Variants in SNTG1 observed in about 807,000 individuals in gnomAD.
SNTG1 encodes the protein gamma-1-syntrophin.
Under a neutral mutation model 74.7 loss-of-function variants are expected in SNTG1, and 39 were observed. The observed-to-expected ratio is 0.52, with a 90% CI of 0.40 to 0.68. The LOEUF (loss-of-function observed/expected upper bound fraction) is 0.68, where lower values mean the gene tolerates loss of function less well. Among genes scored for constraint, SNTG1 ranks in the 30% least tolerant of loss-of-function variants. SNTG1 has a pLI of 0.00. For missense variants in SNTG1, 685 were observed against 609.5 expected (o/e 1.12, Z -1.30); for synonymous variants, 254 against 217.1 (o/e 1.17, Z -1.49).
intron 1 of SNTG1, among the ~76,000 whole-genome samples, chr8:50,042,425 G>T (rs1818716387): frequency 6.6e-6 from 1 of 152,152 alleles, no homozygotes; most frequent in African/African-American, 2.4e-5. Context: ...ACTTCCGCGG[G>T]CTGGGAGCTC....
chr8:50,484,152 C>CCTTT, intron 8 of SNTG1, among the ~76,000 whole-genome samples: 1 of 33,464 alleles, frequency 3.0e-5, no homozygotes, highest in African/African-American at 1.2e-4. Context: ...TTCTTTCTTT[C>CCTTT]CTTCCTTCCT....
intron 2 of SNTG1, among the ~76,000 whole-genome samples, chr8:50,277,050 G>A (rs2088155748): frequency 6.6e-6 from 1 of 151,942 alleles, no homozygotes; most frequent in Non-Finnish European, 1.5e-5. Context: ...GGATGGTCTC[G>A]ATCTCCTGAC....
chr8:50,453,562 T>A (rs533129395), intron 8 of SNTG1, among the ~76,000 whole-genome samples: 1 of 152,294 alleles, frequency 6.6e-6, no homozygotes, highest in South Asian at 2.1e-4. Context: ...ACAAACATTG[T>A]AATTTAAGGT....
intron 2 of SNTG1, among the ~76,000 whole-genome samples, chr8:50,255,924 G>GGAC (rs1386192219): frequency 2.6e-5 from 4 of 152,100 alleles, no homozygotes; most frequent in Non-Finnish European, 5.9e-5. Flanking sequence ...TTACCCCGTA[G>GGAC]GACAGGCAAA....
At chr8:50,762,866 T>C in intron 18 of SNTG1, 1 of 319,876 alleles carries the variant, frequency 3.1e-6, no homozygotes, top group East Asian at 8.7e-5. Flanking sequence ...TCACACTCTA[T>C]TGCCTTAGCT....
In SNTG1 at chr8:50,379,078, C is replaced by T. The variant is rs571718964; in HGVS notation, c.-27-15134C>T. Among the ~76,000 whole-genome samples the T allele has an allele frequency of 1.2e-3, 180 of 152,278 alleles. 1 individual carries two copies. Among genetic ancestry groups the T allele is most frequent in the African/African-American group, 3.9e-3 (163 of 41,566 alleles). ...GGCTGTAGGTACCAAGGGGCACCTGCAGGCTAGTGAAGAACTGCCCTCAAC... is the reference window on the plus strand; with the variant it reads ...GGCTGTAGGTACCAAGGGGCACCTGTAGGCTAGTGAAGAACTGCCCTCAAC... On this transcript the variant is annotated intron_variant, in intron 2 of 18. Coordinates refer to ENST00000642720, the MANE Select transcript of SNTG1 (RefSeq NM_018967.5).
intron 2 of SNTG1, among the ~76,000 whole-genome samples, chr8:50,179,921 A>T (rs950234865): frequency 6.6e-6 from 1 of 152,228 alleles, no homozygotes; most frequent in Non-Finnish European, 1.5e-5. Context: ...CAGCTATCCT[A>T]CTGCTGGTTA....
intron 2 of SNTG1, among the ~76,000 whole-genome samples, chr8:50,279,400 A>G (rs964955508): frequency 5.9e-5 from 9 of 152,290 alleles, no homozygotes; most frequent in Admixed American, 5.9e-4. Flanking sequence ...TTTGAATATC[A>G]TCTTGATTAA....
At position 50,110,212 on chromosome 8, in the gene SNTG1, C is replaced by T. The variant is rs572711546; in HGVS notation, c.-102-62349C>T. On this transcript the variant is annotated intron_variant, in intron 1 of 18. Transcript: ENST00000642720. ...AGGTTAACTGCAGAGTGAGGGATTACTGCAAGTCATAAGGGACATTGCTTT... is the reference window on the plus strand; with the variant it reads ...AGGTTAACTGCAGAGTGAGGGATTATTGCAAGTCATAAGGGACATTGCTTT... 7.4e-4 allele frequency among the ~76,000 whole-genome samples: 113 copies of T among 152,302 alleles called. 2 individuals carry two copies. The highest frequency in any genetic ancestry group is 3.4e-3 in the Middle Eastern group (1 of 294).
At chr8:50,353,602 C>T (rs1289249871) in intron 2 of SNTG1, among the ~76,000 whole-genome samples, 1 of 152,066 alleles carries the variant, frequency 6.6e-6, no homozygotes, top group Non-Finnish European at 1.5e-5. Context: ...TTGGGCTTTG[C>T]TCCATACAAT....
At chr8:50,608,451 CGTTCTTTTT>C (rs2094828447) in intron 13 of SNTG1, among the ~76,000 whole-genome samples, 1 of 151,600 alleles carries the variant, frequency 6.6e-6, no homozygotes, top group Non-Finnish European at 1.5e-5. Context: ...CATGAAATGT[CGTTCTTTTT>C]CTGTATAATA....
At chr8:50,620,756 A>G (rs1324110426) in intron 13 of SNTG1, among the ~76,000 whole-genome samples, 2 of 152,200 alleles carry the variant, frequency 1.3e-5, no homozygotes, top group Non-Finnish European at 2.9e-5. Context: ...ATATTAAATA[A>G]AAGTCTCACT....
chr8:49,941,060 G>A (rs1808639586), intron 1 of SNTG1, among the ~76,000 whole-genome samples: 1 of 152,076 alleles, frequency 6.6e-6, no homozygotes, highest in East Asian at 1.9e-4. Context: ...CCCCTTTGTG[G>A]GATGCATCTG....
intron 17 of SNTG1, among the ~76,000 whole-genome samples, chr8:50,720,891 A>G (rs547913809): frequency 1.3e-5 from 2 of 152,310 alleles, no homozygotes; most frequent in South Asian, 4.1e-4. Flanking sequence ...TGTGGTAAAA[A>G]GCTACTTTTA....
intron 17 of SNTG1, among the ~76,000 whole-genome samples, chr8:50,713,346 G>C (rs1487101522): frequency 6.6e-6 from 1 of 152,062 alleles, no homozygotes; most frequent in Non-Finnish European, 1.5e-5. Flanking sequence ...TTTTGATGGG[G>C]TTGTTTGTTT....
intron 2 of SNTG1, among the ~76,000 whole-genome samples, chr8:50,199,032 A>G (rs2083883766): frequency 6.6e-6 from 1 of 152,194 alleles, no homozygotes; most frequent in Non-Finnish European, 1.5e-5. Context: ...GGAAGTCAGG[A>G]GCAAAAGTAA....
intron 1 of SNTG1, among the ~76,000 whole-genome samples, chr8:50,171,963 G>A (rs2082822661): frequency 6.6e-6 from 1 of 152,130 alleles, no homozygotes. Flanking sequence ...TTGAGTTCAT[G>A]AGGGGCCAAG....
chr8:50,387,197 A>T (rs766267409), intron 2 of SNTG1, among the ~76,000 whole-genome samples: 1 of 152,096 alleles, frequency 6.6e-6, no homozygotes, highest in African/African-American at 2.4e-5. Context: ...GGGCCCTGTC[A>T]TCCCAGGATC....
intron 1 of SNTG1, among the ~76,000 whole-genome samples, chr8:49,981,403 T>C (rs577859689): frequency 1.9e-4 from 28 of 148,196 alleles, no homozygotes; most frequent in Admixed American, 6.8e-4. Flanking sequence ...TGGAAGTCAC[T>C]GTTTCCTTTA....
Sources: gnomAD v4.1 joint callset for allele counts (sites outside exome capture counted in the v4.1 genomes callset) on GRCh38, gnomAD v4.1.1 for gene constraint, MANE v1.5 for transcripts, NCBI Gene and HGNC (gene_info 2026-07-23, HGNC 2026-07-21) for gene names.